The following AK9 variants were observed in gnomAD, a reference collection of about 807,000 sequenced individuals.
AK9 encodes adenylate kinase 9.
AK9 carries 191 observed loss-of-function variants against 239.6 expected under a neutral mutation model. That is an observed-to-expected ratio of 0.80 (90% confidence interval 0.71 to 0.90). The LOEUF (loss-of-function observed/expected upper bound fraction) is 0.90, where lower values mean the gene tolerates loss of function less well. AK9 is among the 40% of genes least tolerant of loss of function. The pLI is 0.00. For missense variants in AK9, 1,995 were observed against 2,214.7 expected, an observed-to-expected ratio of 0.90 and a Z score of 1.99; for synonymous variants, 689 against 721.0, an observed-to-expected ratio of 0.96 and a Z score of 0.71.
intron 20 of AK9, among the ~76,000 whole-genome samples, chr6:109,574,426 C>T (rs1787811096): frequency 6.6e-6 from 1 of 151,950 alleles, no homozygotes; most frequent in African/African-American, 2.4e-5. Flanking sequence ...TTAATAACTA[C>T]CACAATTTTG....
chr6:109,642,224 G>A (rs752995154), intron 9 of AK9, among the ~76,000 whole-genome samples: 3 of 152,150 alleles, frequency 2.0e-5, no homozygotes, highest in Non-Finnish European at 4.4e-5. Flanking sequence ...ATAAATATCT[G>A]TCATTTTAAG....
chr6:109,517,704 G>A (rs1779415497), intron 29 of AK9, among the ~76,000 whole-genome samples: 1 of 152,136 alleles, frequency 6.6e-6, no homozygotes, highest in Non-Finnish European at 1.5e-5. Context: ...TAGAACAGCA[G>A]ATGCCTTTTC....
intron 1 of AK9, among the ~76,000 whole-genome samples, chr6:109,682,346 G>A (rs1219583701): frequency 2.0e-5 from 3 of 150,892 alleles, no homozygotes; most frequent in Non-Finnish European, 2.9e-5. Context: ...AGAATGGCGT[G>A]AACCCGGGAG....
intron 26 of AK9, 116 bp from the exon 27 acceptor site, chr6:109,542,287 T>G (rs2128149706): frequency 1.0e-6 from 1 of 986,312 alleles, no homozygotes; most frequent in South Asian, 1.8e-5. Context: ...GAGAGTAGAA[T>G]GAAAGTTACC....
At chr6:109,585,818 C>G in intron 18 of AK9, 98 bp downstream of exon 18, 1 of 1,175,672 alleles carries the variant, frequency 8.5e-7, no homozygotes, top group Non-Finnish European at 1.2e-6. Flanking sequence ...GTGGGTATTT[C>G]TATCTAGGAA....
chr6:109,655,782 T>C lies in AK9; in HGVS notation c.759+974A>G, dbSNP rs1033977648. ...TACCCAGTGCCAGCCACTTAAGGAG[T>C]AGTCAAGATACTTTTATTGAAGGAA... On this transcript the variant is annotated intron_variant, in intron 8 of 40. Coordinates refer to ENST00000424296, the MANE Select transcript of AK9 (RefSeq NM_001145128.3). Among the ~76,000 whole-genome samples, 7 of 152,194 alleles carry C rather than the reference T, an allele frequency of 4.6e-5. No individual in the cohort carries two copies. In the East Asian group the frequency reaches 5.8e-4, roughly 13 times the overall value.
chr6:109,565,951 C>T (rs1786431182), intron 21 of AK9, among the ~76,000 whole-genome samples: 2 of 152,030 alleles, frequency 1.3e-5, no homozygotes, highest in South Asian at 4.2e-4. Flanking sequence ...CTGGTGGTGG[C>T]ATGTTTAATT....
At chr6:109,602,647 T>A (rs931489953) in intron 17 of AK9, among the ~76,000 whole-genome samples, 1 of 152,242 alleles carries the variant, frequency 6.6e-6, no homozygotes, top group African/African-American at 2.4e-5. Flanking sequence ...GAAATTCTCC[T>A]GGATAATATC....
chr6:109,579,460 A>G, intron 20 of AK9, 90 bp downstream of exon 20: 1 of 1,268,758 alleles, frequency 7.9e-7, no homozygotes, highest in East Asian at 2.6e-5. Context: ...GGGAAATGTG[A>G]TCACCCAGTC....
chr6:109,528,511 C>T (rs1189130816), intron 29 of AK9: 1 of 452,802 alleles, frequency 2.2e-6, no homozygotes, highest in Admixed American at 2.4e-5. Context: ...ATAATTTTCT[C>T]AGTCCAATGG....
At chr6:109,574,080 T>G (rs183893647) in intron 20 of AK9, among the ~76,000 whole-genome samples, 11 of 152,294 alleles carry the variant, frequency 7.2e-5, no homozygotes, top group African/African-American at 2.6e-4. Flanking sequence ...AATTTAAAGT[T>G]CCATGTGTGG....
At chr6:109,564,880 T>A (rs1365024586) in intron 21 of AK9, 35 bp from the exon 22 acceptor site, 4 of 1,432,440 alleles carry the variant, frequency 2.8e-6, no homozygotes, top group African/African-American at 1.4e-5. Flanking sequence ...GTGTTTAAAT[T>A]TGAAAACATT....
intron 40 of AK9, 138 bp downstream of exon 40, chr6:109,493,843 C>A: frequency 1.4e-6 from 1 of 710,660 alleles, no homozygotes; most frequent in Non-Finnish European, 2.3e-6. Flanking sequence ...AAATATTTGC[C>A]CTGTATTGTA....
At chr6:109,686,334 T>C (rs184275466) in intron 1 of AK9, among the ~76,000 whole-genome samples, 10 of 152,356 alleles carry the variant, frequency 6.6e-5, no homozygotes, top group African/African-American at 2.2e-4. Flanking sequence ...AGGCCAGTGG[T>C]CTGGGACATT....
chr6:109,545,488 G>C (rs1353014030), intron 26 of AK9, among the ~76,000 whole-genome samples: 1 of 152,180 alleles, frequency 6.6e-6, no homozygotes. Flanking sequence ...CACAAAATCT[G>C]ATGGTTTTAT....
At position 109,546,030 on chromosome 6, in the gene AK9, T is replaced by C; in HGVS notation, c.3062A>G (p.Gln1021Arg). The change falls in exon 26 of 41, where the codon CAG becomes CGG. Residue 1021 changes from glutamine (Q) to arginine (R), a missense_variant. Physicochemically the swap from Gln to Arg is conservative, Grantham distance 43. Coordinates refer to ENST00000424296, the MANE Select transcript of AK9 (RefSeq NM_001145128.3). ...LAEKLNIFHI[Q>R]FEEVLQEKLL... ...TTTTTCTTGAAGAACTTCTTCAAAC[T>C]GAATGTGAAAAATGTTTAATTTTTC... 6.2e-7 allele frequency: 1 copy of C among 1,613,846 alleles called. No individual in the cohort carries two copies. Among genetic ancestry groups the C allele is most frequent in the South Asian group, 1.1e-5 (1 of 91,056 alleles).
At chr6:109,563,022 A>ACTACAT (rs1478466125) in intron 24 of AK9, among the ~76,000 whole-genome samples, 1 of 152,212 alleles carries the variant, frequency 6.6e-6, no homozygotes, top group Non-Finnish European at 1.5e-5. Flanking sequence ...TCAGAATCAC[A>ACTACAT]CTACATATTG....
chr6:109,526,079 C>A (rs918507569), intron 29 of AK9, among the ~76,000 whole-genome samples: 1 of 152,122 alleles, frequency 6.6e-6, no homozygotes, highest in Admixed American at 6.6e-5. Context: ...GGGAGCTAAA[C>A]TTTGAGTGCA....
chr6:109,690,497 G>A (rs979564347), intron 1 of AK9: 1 of 152,186 alleles, frequency 6.6e-6, no homozygotes, highest in Admixed American at 6.5e-5. Flanking sequence ...CCCTCCTCAG[G>A]GAAGCAACTG....
Sources: allele counts gnomAD v4.1 joint callset (sites outside exome capture counted in the v4.1 genomes callset), GRCh38; gene constraint gnomAD v4.1.1; transcripts MANE v1.5; gene names NCBI Gene and HGNC (gene_info 2026-07-23, HGNC 2026-07-21).